Variants in MAP3K1 observed in about 807,000 individuals in gnomAD.
MAP3K1 encodes the protein mitogen-activated protein kinase kinase kinase 1.
MAP3K1 carries 36 observed loss-of-function variants against 144.2 expected under a neutral mutation model. The observed-to-expected ratio is 0.25, with a 90% CI of 0.19 to 0.33. The LOEUF (loss-of-function observed/expected upper bound fraction) is 0.33. Among genes scored for constraint, MAP3K1 ranks in the 10% least tolerant of loss-of-function variants. The pLI, the probability that MAP3K1 is intolerant of heterozygous loss-of-function variation, is 1.00. For missense variants in MAP3K1, 1,650 were observed against 1,881.9 expected (o/e 0.88, Z 2.28); for synonymous variants, 718 against 688.7 (o/e 1.04, Z -0.67).
intron 1 of MAP3K1, among the ~76,000 whole-genome samples, chr5:56,843,425 C>A (rs1579734426): frequency 1.3e-5 from 2 of 152,216 alleles, no homozygotes; most frequent in Admixed American, 1.3e-4. Flanking sequence ...AGGGTCTTTA[C>A]AATGAAATGA....
intron 6 of MAP3K1, 111 bp downstream of exon 6, chr5:56,866,088 C>G: frequency 1.0e-6 from 1 of 1,000,512 alleles, no homozygotes; most frequent in South Asian, 1.4e-5. Flanking sequence ...ATTATTGAAT[C>G]TTGGCTTTCA....
At chr5:56,822,567 C>CCATCT (rs1401148711) in intron 1 of MAP3K1, among the ~76,000 whole-genome samples, 1 of 152,166 alleles carries the variant, frequency 6.6e-6, no homozygotes, top group East Asian at 1.9e-4. Context: ...TCCGTGGCGC[C>CCATCT]CATCTTCATT....
At chr5:56,845,515 C>T (rs1425027229) in intron 1 of MAP3K1, among the ~76,000 whole-genome samples, 2 of 150,230 alleles carry the variant, frequency 1.3e-5, no homozygotes, top group African/African-American at 5.1e-5. Context: ...TTCCAACCTA[C>T]TTCTCTAGTG....
At chr5:56,822,398 A>AT (rs1235842338) in intron 1 of MAP3K1, among the ~76,000 whole-genome samples, 3 of 152,214 alleles carry the variant, frequency 2.0e-5, no homozygotes, top group Middle Eastern at 3.2e-3. Context: ...ATTTTATGTA[A>AT]TGTGAGCCTT....
At position 56,844,183 on chromosome 5, in the gene MAP3K1, GT is replaced by G. The variant is rs770169813; in HGVS notation, c.483-12393del. 6.3e-3 allele frequency among the ~76,000 whole-genome samples: 477 copies of G among 76,094 alleles called. 2 individuals are homozygous for G. The highest frequency in any genetic ancestry group is 0.021 in the African/African-American group (387 of 18,526). The allele number at this position is 76,094 out of a possible 152,430, so 49.9% of individuals were successfully genotyped here. On this transcript the variant is annotated intron_variant, in intron 1 of 19. Coordinates refer to ENST00000399503, the MANE Select transcript of MAP3K1 (RefSeq NM_005921.2). ...TAGTATTATAGGATTGTTTTTTTTG[GT>G]TTTTTTTTTTTTTTTTTTTTTTTGA...
intron 19 of MAP3K1, among the ~76,000 whole-genome samples, chr5:56,888,917 A>T (rs1358487721): frequency 6.6e-6 from 1 of 152,196 alleles, no homozygotes; most frequent in South Asian, 2.1e-4. Context: ...GATATTGTCA[A>T]TGGTGTTGTC....
At chr5:56,826,740 C>T (rs140193259) in intron 1 of MAP3K1, among the ~76,000 whole-genome samples, 3 of 152,362 alleles carry the variant, frequency 2.0e-5, no homozygotes, top group African/African-American at 7.2e-5. Context: ...AATGGATGTT[C>T]TTTCCTGAGA....
At chr5:56,862,901 G>C (rs895380798) in intron 3 of MAP3K1, among the ~76,000 whole-genome samples, 19 of 152,288 alleles carry the variant, frequency 1.2e-4, no homozygotes, top group Admixed American at 5.2e-4. Context: ...ACAGGGTTGT[G>C]TAGCCATTAT....
rs1209714929 is a variant in MAP3K1 at position 56,883,655 on chromosome 5, T to G, written c.3795T>G (p.Thr1265=). The G allele has an allele frequency of 6.2e-7, 1 of 1,614,080 alleles. No homozygotes were observed. Among genetic ancestry groups the G allele is most frequent in the South Asian group, 1.1e-5 (1 of 91,084 alleles). The change falls in exon 15 of 20, where the codon ACT becomes ACG. Residue 1265 remains threonine (T), a synonymous_variant. Coordinates refer to ENST00000399503, the MANE Select transcript of MAP3K1 (RefSeq NM_005921.2). ...SSCYQAQDVG[T]GTLMAVKQVT... is the part of the protein sequence containing the mutation. Reference sequence around the variant, plus strand: ...GTTATCAGGCTCAAGATGTGGGAACTGGAACTTTAATGGCTGTTAAACAGG... The same window carrying G: ...GTTATCAGGCTCAAGATGTGGGAACGGGAACTTTAATGGCTGTTAAACAGG...
intron 19 of MAP3K1, among the ~76,000 whole-genome samples, chr5:56,889,316 G>A (rs252901): frequency 0.55 from 83,129 of 151,824 alleles, 23,999 homozygotes; most frequent in Non-Finnish European, 0.65. Context: ...CTACAGGCAC[G>A]CGCCACCATG....
chr5:56,827,727 G>C (rs192872653), intron 1 of MAP3K1, among the ~76,000 whole-genome samples: 1 of 152,136 alleles, frequency 6.6e-6, no homozygotes, highest in Non-Finnish European at 1.5e-5. Flanking sequence ...AGCCGGGCTT[G>C]GTGGTGTGTG....
chr5:56,864,498 C>CA (rs1333356911), intron 3 of MAP3K1, among the ~76,000 whole-genome samples: 4 of 151,722 alleles, frequency 2.6e-5, no homozygotes, highest in Non-Finnish European at 4.4e-5. Flanking sequence ...GCCTCAGCCT[C>CA]AGAGTAGCTG....
rs1222047861 is a variant in MAP3K1 at position 56,815,631 on chromosome 5, A to G, written c.58A>G (p.Thr20Ala). 1.5e-6 allele frequency: 2 copies of G among 1,325,774 alleles called. No individual in the cohort carries two copies. Among genetic ancestry groups the G allele is most frequent in the Non-Finnish European group, 1.9e-6 (2 of 1,038,622 alleles). The allele number at this position is 1,325,774 out of a possible 1,614,324, so 82.1% of individuals were successfully genotyped here. The change falls in exon 1 of 20, where the codon ACG (threonine) becomes GCG (alanine). Residue 20 changes from threonine to alanine, a missense_variant. Physicochemically the swap from Thr to Ala is moderately conservative, Grantham distance 58. Around this residue, in one of 6 missense-constraint regions of MAP3K1, gnomAD observed 360 missense variants for 274.7 expected, o/e 1.31. Transcript: ENST00000399503. ...SSSGFPGARA[T>A]SPEAGGGGGA... ...GTCGGGATTCCCGGGCGCCAGGGCT[A>G]CGAGCCCTGAGGCAGGCGGCGGCGG...
In MAP3K1 at chr5:56,856,714, C is replaced by T. The variant is rs781610164; in HGVS notation, c.597C>T (p.His199=). ...CAACCTGTATGCCAGCCTGGAAGCA[C>T]GAATGGTTGGAAAGGAGAAATAGGC... is the stretch of plus-strand genomic sequence containing the variant. ...LKATCMPAWK[H]EWLERRNRRG... is the part of the protein sequence containing the mutation. Residue 199 remains histidine (H), a synonymous_variant, in exon 2 of 20, where the codon CAC becomes CAT. Transcript: ENST00000399503. 31 of 1,613,642 alleles carry T rather than the reference C, an allele frequency of 1.9e-5. No individual in the cohort carries two copies. The highest frequency in any genetic ancestry group is 1.6e-4 in the Middle Eastern group (1 of 6,082).
chr5:56,856,461 C>A, intron 1 of MAP3K1, 139 bp from the exon 2 acceptor site: 1 of 713,780 alleles, frequency 1.4e-6, no homozygotes, highest in Non-Finnish European at 2.4e-6. Flanking sequence ...AGCTTTAAGT[C>A]ATTTGGGGTT....
chr5:56,831,460 A>C (rs373629993), intron 1 of MAP3K1, among the ~76,000 whole-genome samples: 6 of 152,154 alleles, frequency 3.9e-5, no homozygotes, highest in African/African-American at 1.4e-4. Context: ...ACCTAGCCCT[A>C]ATTTTTTTTT....
intron 1 of MAP3K1, among the ~76,000 whole-genome samples, chr5:56,844,786 C>A (rs1746939887): frequency 6.6e-6 from 1 of 152,176 alleles, no homozygotes; most frequent in Non-Finnish European, 1.5e-5. Context: ...TTCTTTGCTG[C>A]CTGGCCAGTG....
chr5:56,861,854 T>C (rs1425090295), intron 3 of MAP3K1, among the ~76,000 whole-genome samples: 1 of 152,010 alleles, frequency 6.6e-6, no homozygotes, highest in African/African-American at 2.4e-5. Context: ...AATGATTGAA[T>C]GGAAAAATGG....
intron 1 of MAP3K1, among the ~76,000 whole-genome samples, chr5:56,824,491 G>C (rs1290499625): frequency 6.6e-6 from 1 of 152,212 alleles, no homozygotes; most frequent in African/African-American, 2.4e-5. Context: ...CAGCAGTGTT[G>C]GCACACCTGA....
Sources: allele counts gnomAD v4.1 joint callset (sites outside exome capture counted in the v4.1 genomes callset), GRCh38; gene constraint gnomAD v4.1.1; regional missense constraint gnomAD v4.1.1; transcripts MANE v1.5; gene names NCBI Gene and HGNC (gene_info 2026-07-23, HGNC 2026-07-21).